BTBD8: variants seen among roughly 807,000 people sequenced by gnomAD.
BTBD8 encodes BTB/POZ domain-containing protein 8.
Under a neutral mutation model 162.9 loss-of-function variants are expected in BTBD8, and 110 were observed. The ratio of observed to expected loss-of-function variants is 0.68; its 90% CI spans 0.58 to 0.79. The LOEUF (loss-of-function observed/expected upper bound fraction) is 0.79, where lower values mean the gene tolerates loss of function less well. BTBD8 is among the 30% of genes least tolerant of loss of function. The pLI, the probability that BTBD8 is intolerant of heterozygous loss-of-function variation, is 0.00. For synonymous variants in BTBD8, 667 were observed against 716.1 expected (o/e 0.93, Z 1.10); for missense variants, 1,905 against 2,085.4 (o/e 0.91, Z 1.68).
chr1:92,093,938 A>G (rs1312661543), intron 2 of BTBD8, among the ~76,000 whole-genome samples: 1 of 152,244 alleles, frequency 6.6e-6, no homozygotes, highest in African/African-American at 2.4e-5. Context: ...AGAAAGGGAG[A>G]CATTACATCA....
At chr1:92,157,127 TTTTG>T (rs1157291638) in intron 9 of BTBD8, among the ~76,000 whole-genome samples, 1 of 152,166 alleles carries the variant, frequency 6.6e-6, no homozygotes, top group Non-Finnish European at 1.5e-5. Context: ...GTATTGTTGT[TTTTG>T]TTTGTTTCAA....
chr1:92,113,185 T>G (rs1331761247), intron 4 of BTBD8, among the ~76,000 whole-genome samples: 3 of 152,252 alleles, frequency 2.0e-5, no homozygotes, highest in Non-Finnish European at 4.4e-5. Context: ...AGCATTATTT[T>G]TAAACCTGAG....
chr1:92,180,735 G>A lies in BTBD8; in HGVS notation c.3052G>A (p.Asp1018Asn), dbSNP rs975083863. ...GCCTGACCCACAAAAGCCATTAAAC[G>A]ATCAAGAAAAAGAGAAGTTGGCGTT... Reference protein sequence around the residue: ...CRPDPQKPLNDQEKEKLALEC... With the variant: ...CRPDPQKPLNNQEKEKLALEC... The change falls in exon 17 of 18, where the codon GAT becomes AAT. Residue 1018 changes from aspartate to asparagine, a missense_variant. Physicochemically the swap from Asp to Asn is conservative, Grantham distance 23 (BLOSUM62 1). Transcript: ENST00000636805. 7.1e-6 allele frequency: 11 copies of A among 1,551,622 alleles called. No homozygotes were observed. Among genetic ancestry groups the A allele is most frequent in the East Asian group, 4.9e-5 (2 of 40,894 alleles).
chr1:92,125,286 CAGAG>C (rs892028050), intron 4 of BTBD8: 1 of 179,348 alleles, frequency 5.6e-6, no homozygotes, highest in East Asian at 1.7e-4. Context: ...CTGAGACACT[CAGAG>C]AGAGACAGAA....
chr1:92,145,810 T>C (rs1332303663), intron 7 of BTBD8, among the ~76,000 whole-genome samples: 2 of 152,040 alleles, frequency 1.3e-5, no homozygotes, highest in African/African-American at 2.4e-5. Context: ...TGAAACCCCA[T>C]CTCTACTAAA....
chr1:92,120,705 T>C (rs778546130), intron 4 of BTBD8, among the ~76,000 whole-genome samples: 23 of 152,210 alleles, frequency 1.5e-4, no homozygotes, highest in African/African-American at 3.9e-4. Flanking sequence ...TATAATCTTA[T>C]GGGACCATCT....
chr1:92,147,765 T>C lies in BTBD8; in HGVS notation c.1101T>C (p.Leu367=). ...NIPPEIQKSC[L]NMLIQSLNDK... ...CTCCTGAGATTCAGAAAAGTTGTCTTAATATGTTGATTCAGTCCTTAGTAA... is the reference window on the plus strand; with the variant it reads ...CTCCTGAGATTCAGAAAAGTTGTCTCAATATGTTGATTCAGTCCTTAGTAA... Residue 367 remains leucine, a synonymous_variant, in exon 9 of 18, where the codon CTT becomes CTC. Transcript: ENST00000636805. 6.2e-7 allele frequency: 1 copy of C among 1,613,366 alleles called. No individual in the cohort carries two copies. The highest frequency in any genetic ancestry group is 8.5e-7 in the Non-Finnish European group (1 of 1,179,644).
intron 4 of BTBD8, among the ~76,000 whole-genome samples, chr1:92,121,929 C>A (rs965578154): frequency 8.6e-5 from 13 of 151,956 alleles, no homozygotes; most frequent in African/African-American, 3.1e-4. Flanking sequence ...CCTCAGCCTC[C>A]CAAGTAGTTG....
In BTBD8 at chr1:92,147,250, T is replaced by C. The variant is rs779316441; in HGVS notation, c.1001T>C (p.Leu334Pro). ...IIAHSVGVES[L>P]FADCMKWIVK... ...GCTCATTCAGTTGGAGTGGAAAGTCTTTTTGCTGACTGCATGAAGTAAGTT... is the reference window on the plus strand; with the variant it reads ...GCTCATTCAGTTGGAGTGGAAAGTCCTTTTGCTGACTGCATGAAGTAAGTT... Residue 334 changes from leucine to proline, a missense_variant, in exon 8 of 18, where the codon CTT (leucine) becomes CCT (proline). Physicochemically the swap from Leu to Pro is moderately conservative, Grantham distance 98. Coordinates refer to ENST00000636805, the MANE Select transcript of BTBD8 (RefSeq NM_001376131.1). 1.2e-6 allele frequency: 2 copies of C among 1,610,844 alleles called. No homozygotes were observed. The highest frequency in any genetic ancestry group is 1.7e-4 in the Middle Eastern group (1 of 6,048).
intron 2 of BTBD8, among the ~76,000 whole-genome samples, chr1:92,094,188 T>C (rs371824707): frequency 9.9e-5 from 15 of 152,246 alleles, no homozygotes; most frequent in African/African-American, 3.6e-4. Context: ...AATCATATTC[T>C]GTTTTGTATT....
chr1:92,105,615 C>T (rs1323591088), intron 3 of BTBD8, among the ~76,000 whole-genome samples: 1 of 152,164 alleles, frequency 6.6e-6, no homozygotes, highest in Admixed American at 6.5e-5. Flanking sequence ...GACTCTGTCA[C>T]CAGTGACTGA....
chr1:92,123,728 G>C (rs905016029), intron 4 of BTBD8, among the ~76,000 whole-genome samples: 1 of 129,156 alleles, frequency 7.7e-6, no homozygotes, highest in African/African-American at 3.1e-5. Flanking sequence ...AGTGAGCCAA[G>C]ATCGCGCCAC....
rs1294905001 is a variant in BTBD8 at position 92,101,854 on chromosome 1, ACT to A, written c.348-616_348-615del. Among the ~76,000 whole-genome samples the A allele has an allele frequency of 5.3e-5, 8 of 151,632 alleles. No homozygotes were observed. In the East Asian group the frequency reaches 1.6e-3, roughly 29 times the overall value. On this transcript the variant is annotated intron_variant, in intron 2 of 17. Coordinates refer to ENST00000636805, the MANE Select transcript of BTBD8 (RefSeq NM_001376131.1). ...TGGGACTACAGGTGCATGCCACCACACTCTGCTAAGTTTTTAAATTTTTTGTA... is the reference window on the plus strand; with the variant it reads ...TGGGACTACAGGTGCATGCCACCACACTGCTAAGTTTTTAAATTTTTTGTA...
rs185860933 is a variant in BTBD8 at position 92,081,271 on chromosome 1, G to T, written c.149+551G>T. Among the ~76,000 whole-genome samples the T allele has an allele frequency of 1.2e-3, 177 of 152,278 alleles. 2 individuals are homozygous for T. Among genetic ancestry groups the T allele is most frequent in the Admixed American group, 4.2e-3 (65 of 15,296 alleles). On this transcript the variant is annotated intron_variant, in intron 1 of 17. Coordinates refer to ENST00000636805, the MANE Select transcript of BTBD8 (RefSeq NM_001376131.1). ...TAGCTCCCAGCAACTCTCAGCTCCT[G>T]TGAGGACCAAAGCAAATGGAGGGTC... is the stretch of plus-strand genomic sequence containing the variant.
At position 92,184,000 on chromosome 1, in the gene BTBD8, A is replaced by C; in HGVS notation, c.5049A>C (p.Thr1683=). 6.4e-7 allele frequency: 1 copy of C among 1,551,598 alleles called. No homozygotes were observed. The highest frequency in any genetic ancestry group is 1.2e-5 in the South Asian group (1 of 84,060). ...EQKVESETHV[T]DMDFEDDQHF... ...AAGTGGAATCAGAAACACATGTTAC[A>C]GATATGGATTTTGAAGATGACCAAC... Residue 1683 remains threonine, a synonymous_variant, in exon 18 of 18, where the codon ACA becomes ACC. Coordinates refer to ENST00000636805, the MANE Select transcript of BTBD8 (RefSeq NM_001376131.1).
rs1015371990 is a variant in BTBD8 at position 92,089,570 on chromosome 1, A to G, written c.347+675A>G. Among the ~76,000 whole-genome samples, 16 of 152,218 alleles carry G rather than the reference A, an allele frequency of 1.1e-4. 1 individual carries two copies. Among genetic ancestry groups the G allele is most frequent in the African/African-American group, 3.9e-4 (16 of 41,448 alleles). ...ACAGTTCGGGAGCCTGGGAAGTCCAAGATCAAGGTGCCAGCAGATTCAGTG... is the reference window on the plus strand; with the variant it reads ...ACAGTTCGGGAGCCTGGGAAGTCCAGGATCAAGGTGCCAGCAGATTCAGTG... On this transcript the variant is annotated intron_variant, in intron 2 of 17. Transcript: ENST00000636805.
chr1:92,089,303 T>A (rs1648237672), intron 2 of BTBD8, among the ~76,000 whole-genome samples: 1 of 152,192 alleles, frequency 6.6e-6, no homozygotes, highest in African/African-American at 2.4e-5. Context: ...TGTTTAGTTG[T>A]GACCGAAATG....
At chr1:92,168,066 C>A (rs1411191623) in intron 11 of BTBD8, 81 bp downstream of exon 11, 6 of 1,302,018 alleles carry the variant, frequency 4.6e-6, no homozygotes, top group Non-Finnish European at 6.2e-6. Context: ...TTAAATGTTG[C>A]AGGGTCATTG....
chr1:92,099,270 A>G (rs1426397137), intron 2 of BTBD8, among the ~76,000 whole-genome samples: 1 of 152,220 alleles, frequency 6.6e-6, no homozygotes, highest in African/African-American at 2.4e-5. Context: ...TTATGTCAGT[A>G]CTACACAGTC....
Sources: gnomAD v4.1 joint callset for allele counts (sites outside exome capture counted in the v4.1 genomes callset) on GRCh38, gnomAD v4.1.1 for gene constraint, MANE v1.5 for transcripts, NCBI Gene and HGNC (gene_info 2026-07-23, HGNC 2026-07-21) for gene names.